Variants in PDE4D observed in about 807,000 individuals in gnomAD.
PDE4D encodes the protein phosphodiesterase 4D, also known as 3',5'-cyclic-AMP phosphodiesterase 4D.
Under a neutral mutation model 87.4 loss-of-function variants are expected in PDE4D, and 24 were observed. That is an observed-to-expected ratio of 0.27 (90% CI 0.20 to 0.39). The LOEUF is 0.39. PDE4D is among the 10% of genes least tolerant of loss of function. The probability of loss-of-function intolerance (pLI) is 1.00; values close to 1 mark genes in which losing one functional copy is unlikely to be tolerated. For missense variants in PDE4D, 714 were observed against 1,041.0 expected (o/e 0.69, Z 4.32); for synonymous variants, 384 against 383.2 (o/e 1.00, Z -0.02).
intron 1 of PDE4D, among the ~76,000 whole-genome samples, chr5:60,415,647 C>G (rs1043710389): frequency 1.3e-5 from 2 of 152,250 alleles, no homozygotes; most frequent in Admixed American, 6.5e-5. Context: ...GTTGCCTCCC[C>G]ACGGGGCAGG....
intron 1 of PDE4D, among the ~76,000 whole-genome samples, chr5:59,258,686 A>T (rs899502902): frequency 6.7e-6 from 1 of 148,510 alleles, no homozygotes; most frequent in African/African-American, 2.4e-5. Context: ...TATCATATAG[A>T]TAACATATAT....
At chr5:60,144,086 T>C (rs1780789470) in intron 2 of PDE4D, among the ~76,000 whole-genome samples, 1 of 152,186 alleles carries the variant, frequency 6.6e-6, no homozygotes. Flanking sequence ...CCCTATCATG[T>C]ACATCCCAAG....
At chr5:60,390,995 A>C (rs1321631085) in intron 1 of PDE4D, among the ~76,000 whole-genome samples, 2 of 152,006 alleles carry the variant, frequency 1.3e-5, no homozygotes, top group African/African-American at 4.8e-5. Flanking sequence ...ATGCATATTC[A>C]CACACACACA....
At chr5:60,300,004 A>G (rs1753751952) in intron 1 of PDE4D, among the ~76,000 whole-genome samples, 1 of 152,206 alleles carries the variant, frequency 6.6e-6, no homozygotes, top group African/African-American at 2.4e-5. Flanking sequence ...GAACCAATTT[A>G]CACTCCCACC....
intron 1 of PDE4D, among the ~76,000 whole-genome samples, chr5:59,753,771 CTAA>C (rs1279546695): frequency 6.6e-6 from 1 of 152,140 alleles, no homozygotes; most frequent in Non-Finnish European, 1.5e-5. Flanking sequence ...ATTTCAAATG[CTAA>C]TAATATTTTG....
At chr5:60,132,044 T>G (rs183609601) in intron 2 of PDE4D, among the ~76,000 whole-genome samples, 1 of 152,196 alleles carries the variant, frequency 6.6e-6, no homozygotes, top group Non-Finnish European at 1.5e-5. Context: ...GATGGCCTTT[T>G]CCCCATTCTC....
chr5:60,063,358 G>A (rs1771707997), intron 2 of PDE4D, among the ~76,000 whole-genome samples: 1 of 152,022 alleles, frequency 6.6e-6, no homozygotes, highest in Admixed American at 6.6e-5. Context: ...GGTTGGAAAA[G>A]GTGTGGGAAG....
At chr5:59,427,412 G>A (rs1795453522) in intron 1 of PDE4D, among the ~76,000 whole-genome samples, 1 of 151,458 alleles carries the variant, frequency 6.6e-6, no homozygotes, top group African/African-American at 2.4e-5. Context: ...TATTTAACCT[G>A]TTCTGGGCTC....
chr5:59,498,802 A>C (rs1313569082), intron 1 of PDE4D, among the ~76,000 whole-genome samples: 2 of 152,136 alleles, frequency 1.3e-5, no homozygotes, highest in Admixed American at 1.3e-4. Flanking sequence ...AGACCTATGA[A>C]AAGACTTTCA....
At chr5:60,238,223 G>C (rs2149648320) in intron 1 of PDE4D, among the ~76,000 whole-genome samples, 1 of 151,906 alleles carries the variant, frequency 6.6e-6, no homozygotes, top group African/African-American at 2.4e-5. Context: ...CCATGTTAAT[G>C]TATCTCATGG....
In PDE4D at chr5:59,893,239, C is replaced by T. The variant is rs199921438; in HGVS notation, c.384G>A (p.Val128=). The change falls in exon 1 of 15, where the codon GTG becomes GTA. Residue 128 remains valine (V), a synonymous_variant. Transcript: ENST00000340635. ...TCAGGCCGGGCCGGTGGCCGGTCTC[C>T]ACCGCGTAGGAGGTGCGGTCCATGG... is the stretch of plus-strand genomic sequence containing the variant. The part of the protein sequence containing the change: ...CRAMDRTSYA[V]ETGHRPGLKK... The T allele has an allele frequency of 7.6e-5, 118 of 1,557,608 alleles. No homozygotes were observed. The African/African-American group carries it at 1.2e-3, about 16-fold the overall frequency.
At chr5:59,086,685 T>C (rs1767752568) in intron 5 of PDE4D, among the ~76,000 whole-genome samples, 1 of 152,164 alleles carries the variant, frequency 6.6e-6, no homozygotes, top group Non-Finnish European at 1.5e-5. Context: ...ATTTACCCTA[T>C]CTGCAGTTTT....
chr5:59,699,136 A>G (rs921937334), intron 1 of PDE4D, among the ~76,000 whole-genome samples: 1 of 152,174 alleles, frequency 6.6e-6, no homozygotes, highest in Non-Finnish European at 1.5e-5. Flanking sequence ...ATTGATCTAC[A>G]GCTGGGGAAA....
At chr5:60,005,396 T>C (rs951706731) in intron 2 of PDE4D, among the ~76,000 whole-genome samples, 1 of 152,022 alleles carries the variant, frequency 6.6e-6, no homozygotes, top group African/African-American at 2.4e-5. Flanking sequence ...TTGGTGACAA[T>C]AGATAATAAT....
At chr5:60,346,327 A>G (rs1469581850) in intron 1 of PDE4D, among the ~76,000 whole-genome samples, 1 of 152,198 alleles carries the variant, frequency 6.6e-6, no homozygotes, top group Non-Finnish European at 1.5e-5. Flanking sequence ...ACATTCTAAC[A>G]TAAGCTGAAG....
intron 2 of PDE4D, among the ~76,000 whole-genome samples, chr5:60,151,887 T>C (rs754438727): frequency 5.9e-5 from 9 of 152,236 alleles, no homozygotes; most frequent in Non-Finnish European, 1.3e-4. Flanking sequence ...TTGTCAAAAA[T>C]ATGGCCTCTA....
chr5:60,381,912 C>T (rs1450766928), intron 1 of PDE4D, among the ~76,000 whole-genome samples: 4 of 152,052 alleles, frequency 2.6e-5, no homozygotes, highest in South Asian at 4.1e-4. Context: ...TGAAACTTGG[C>T]TGTCTACATA....
intron 1 of PDE4D, among the ~76,000 whole-genome samples, chr5:60,378,729 T>C (rs956372343): frequency 6.6e-6 from 1 of 152,072 alleles, no homozygotes; most frequent in Non-Finnish European, 1.5e-5. Context: ...GGTGCCCATC[T>C]GTAATCCCAG....
chr5:60,223,184 T>A, intron 1 of PDE4D, among the ~76,000 whole-genome samples: 1 of 152,144 alleles, frequency 6.6e-6, no homozygotes, highest in Non-Finnish European at 1.5e-5. Context: ...TGAGTTAAAT[T>A]AGGAAAATCA....
Sources: gnomAD v4.1 joint callset for allele counts (sites outside exome capture counted in the v4.1 genomes callset) on GRCh38, gnomAD v4.1.1 for gene constraint, MANE v1.5 for transcripts, NCBI Gene and HGNC (gene_info 2026-07-23, HGNC 2026-07-21) for gene names.